The following DOCK4 variants were observed in gnomAD, a reference collection of about 807,000 sequenced individuals.
DOCK4 encodes dedicator of cytokinesis protein 4.
Under a neutral mutation model 268.1 loss-of-function variants are expected in DOCK4, and 97 were observed. That is an observed-to-expected ratio of 0.36 (90% CI 0.31 to 0.43). The LOEUF is 0.43. Ranked by LOEUF, DOCK4 falls within the 20% of genes least tolerant of loss-of-function variation. The probability of loss-of-function intolerance (pLI) is 1.00; values close to 1 mark genes in which losing one functional copy is unlikely to be tolerated. For synonymous variants in DOCK4, 954 were observed against 887.2 expected (o/e 1.08, Z -1.34); for missense variants, 2,145 against 2,455.7 (o/e 0.87, Z 2.67).
intron 1 of DOCK4, among the ~76,000 whole-genome samples, chr7:112,033,574 A>C: frequency 6.6e-6 from 1 of 152,192 alleles, no homozygotes; most frequent in Non-Finnish European, 1.5e-5. Context: ...AGGCTGTATC[A>C]CTGTTTTCCT....
intron 16 of DOCK4, among the ~76,000 whole-genome samples, chr7:111,889,803 T>C (rs1170400347): frequency 1.3e-5 from 2 of 152,234 alleles, no homozygotes; most frequent in Non-Finnish European, 2.9e-5. Context: ...CATCACCTTC[T>C]ATTTGGCTGA....
chr7:111,995,001 A>G (rs574667599), intron 4 of DOCK4, among the ~76,000 whole-genome samples: 1 of 151,248 alleles, frequency 6.6e-6, no homozygotes, highest in South Asian at 2.1e-4. Context: ...GAGAATATGC[A>G]TGAGGAGATG....
chr7:112,116,249 A>G (rs1388158195), intron 1 of DOCK4, among the ~76,000 whole-genome samples: 1 of 152,158 alleles, frequency 6.6e-6, no homozygotes, highest in Non-Finnish European at 1.5e-5. Context: ...TTTCATATAT[A>G]TGAAATCATA....
intron 30 of DOCK4, among the ~76,000 whole-genome samples, chr7:111,794,479 C>T (rs2133823964): frequency 6.6e-6 from 1 of 152,068 alleles, no homozygotes; most frequent in East Asian, 1.9e-4. Flanking sequence ...TGTGCCGGGA[C>T]AAGAGAGGAG....
intron 1 of DOCK4, among the ~76,000 whole-genome samples, chr7:112,101,845 C>CTTTTTT (rs72188849): frequency 2.6e-3 from 378 of 146,344 alleles, no homozygotes; most frequent in Non-Finnish European, 4.4e-3. Context: ...TTTTCTTTTT[C>CTTTTTT]TTTTTTTTTT....
At chr7:112,080,498 G>C (rs528018548) in intron 1 of DOCK4, among the ~76,000 whole-genome samples, 42 of 152,200 alleles carry the variant, frequency 2.8e-4, no homozygotes, top group Middle Eastern at 6.8e-3. Flanking sequence ...GCCAGTTTTT[G>C]TTTAAACAAC....
At chr7:112,143,019 G>A (rs2116297057) in intron 1 of DOCK4, among the ~76,000 whole-genome samples, 1 of 151,938 alleles carries the variant, frequency 6.6e-6, no homozygotes, top group East Asian at 1.9e-4. Flanking sequence ...GATAAGTGGG[G>A]GTGACTAAAA....
chr7:111,822,427 G>A lies in DOCK4; in HGVS notation c.2865C>T (p.Phe955=), dbSNP rs982998055. The change falls in exon 27 of 53, where the codon TTC becomes TTT. Residue 955 remains phenylalanine (F), a synonymous_variant. Transcript: ENST00000428084. ...RDFLLQIFTV[F]RILIRPEMFP... is the part of the protein sequence containing the mutation. ...ACATCTCCGGGCGTATCAATATTCG[G>A]AACACAGTAAATATCTGCAGCAGGA... 2.5e-6 allele frequency: 4 copies of A among 1,613,280 alleles called. No individual in the cohort carries two copies. Among genetic ancestry groups the A allele is most frequent in the Non-Finnish European group, 3.4e-6 (4 of 1,179,702 alleles).
intron 23 of DOCK4, among the ~76,000 whole-genome samples, chr7:111,862,332 A>C (rs957021078): frequency 2.6e-4 from 40 of 151,952 alleles, no homozygotes; most frequent in African/African-American, 9.4e-4. Context: ...GGTAATGTTA[A>C]GATTTGTTAA....
intron 12 of DOCK4, among the ~76,000 whole-genome samples, chr7:111,932,002 A>T (rs909202255): frequency 6.6e-6 from 1 of 152,318 alleles, no homozygotes; most frequent in Admixed American, 6.5e-5. Flanking sequence ...TTTAACTGGA[A>T]TCCTGACCTT....
intron 34 of DOCK4, among the ~76,000 whole-genome samples, chr7:111,783,184 T>G (rs1194248499): frequency 6.6e-6 from 1 of 152,130 alleles, no homozygotes; most frequent in East Asian, 1.9e-4. Flanking sequence ...CATTGCCATG[T>G]CAAGATTATG....
At chr7:111,864,996 G>A (rs1805854475) in intron 22 of DOCK4, among the ~76,000 whole-genome samples, 1 of 152,242 alleles carries the variant, frequency 6.6e-6, no homozygotes, top group South Asian at 2.1e-4. Context: ...CAAGTATCTT[G>A]TGATGAGGGG....
intron 16 of DOCK4, among the ~76,000 whole-genome samples, chr7:111,882,611 A>AT (rs1265572432): frequency 5.9e-5 from 9 of 151,466 alleles, no homozygotes; most frequent in South Asian, 2.1e-4. Context: ...GTGACTCACA[A>AT]TTTTTTTTTA....
intron 1 of DOCK4, among the ~76,000 whole-genome samples, chr7:112,055,603 G>C (rs566404318): frequency 6.6e-6 from 1 of 152,110 alleles, no homozygotes; most frequent in Non-Finnish European, 1.5e-5. Context: ...AGACGAGATA[G>C]AATTGGCTTT....
At chr7:112,044,608 A>G (rs1563027247) in intron 1 of DOCK4, among the ~76,000 whole-genome samples, 1 of 152,154 alleles carries the variant, frequency 6.6e-6, no homozygotes, top group African/African-American at 2.4e-5. Context: ...TAGCAGGTCT[A>G]AAATCAAGTT....
At chr7:112,184,383 G>A (rs1819309988) in intron 1 of DOCK4, among the ~76,000 whole-genome samples, 1 of 152,194 alleles carries the variant, frequency 6.6e-6, no homozygotes. Context: ...TGCAGATGCT[G>A]CTTTGGGCAA....
chr7:111,788,945 T>C (rs1799352742), intron 31 of DOCK4, 198 bp from the exon 32 acceptor site: 1 of 598,650 alleles, frequency 1.7e-6, no homozygotes, highest in African/African-American at 1.8e-5. Context: ...GACTTCACAC[T>C]CCTGGCTGGG....
At chr7:111,851,078 C>T (rs576932983) in intron 23 of DOCK4, among the ~76,000 whole-genome samples, 39 of 152,174 alleles carry the variant, frequency 2.6e-4, no homozygotes, top group Admixed American at 7.9e-4. Flanking sequence ...ACCCTCTATC[C>T]TTACCTTACA....
intron 1 of DOCK4, among the ~76,000 whole-genome samples, chr7:112,157,983 C>T (rs1816774870): frequency 6.6e-6 from 1 of 152,088 alleles, no homozygotes; most frequent in Admixed American, 6.6e-5. Context: ...TTTTTAAATG[C>T]ATAAAATATA....
Sources: gnomAD v4.1 joint callset for allele counts (sites outside exome capture counted in the v4.1 genomes callset) on GRCh38, gnomAD v4.1.1 for gene constraint, MANE v1.5 for transcripts, NCBI Gene and HGNC (gene_info 2026-07-23, HGNC 2026-07-21) for gene names.